Variants in RUFY4 observed in about 807,000 individuals in gnomAD.
The protein encoded by RUFY4 is RUN and FYVE domain containing 4, also known as RUN and FYVE domain-containing protein 4.
A neutral mutation model predicts 69.0 loss-of-function variants in RUFY4; 73 were observed. The ratio of observed to expected loss-of-function variants is 1.06; its 90% confidence interval spans 0.88 to 1.29. RUFY4 has a LOEUF of 1.29. Ranked by LOEUF, RUFY4 falls within the 50% of genes most tolerant of loss-of-function variation. RUFY4 has a pLI of 0.00. For synonymous variants in RUFY4, 287 were observed against 271.8 expected, an observed-to-expected ratio of 1.06 and a Z score of -0.55; for missense variants, 770 against 705.6, an observed-to-expected ratio of 1.09 and a Z score of -1.03.
At chr2:218,049,602 G>A (rs1203296394) in intron 2 of RUFY4, among the ~76,000 whole-genome samples, 1 of 151,882 alleles carries the variant, frequency 6.6e-6, no homozygotes. Flanking sequence ...TGCCTCCCAG[G>A]TTCAGGCAAT....
chr2:218,049,663 C>T (rs1688903358), intron 2 of RUFY4, among the ~76,000 whole-genome samples: 1 of 152,052 alleles, frequency 6.6e-6, no homozygotes, highest in African/African-American at 2.4e-5. Context: ...TGCGCCACCA[C>T]AGCTGGCTAA....
intron 2 of RUFY4, among the ~76,000 whole-genome samples, chr2:218,043,252 G>A (rs1045201175): frequency 6.6e-6 from 1 of 152,034 alleles, no homozygotes; most frequent in Non-Finnish European, 1.5e-5. Context: ...AGAGAGGGTA[G>A]GTCTTCTCTG....
At chr2:218,070,456 G>T, upstream of RUFY4, 1 of 702,074 alleles carries the variant, frequency 1.4e-6, no homozygotes. Flanking sequence ...CCCCTACTAG[G>T]TAACTTGCTA....
At chr2:218,076,808 C>T (rs1689644818) in intron 8 of RUFY4, among the ~76,000 whole-genome samples, 1 of 152,238 alleles carries the variant, frequency 6.6e-6, no homozygotes, top group Non-Finnish European at 1.5e-5. Context: ...ACCCTCACCC[C>T]TGCCTCCCTC....
exon 1 of RUFY4, chr2:218,070,581 G>A (rs1378276729): frequency 2.1e-5 from 33 of 1,536,080 alleles, no homozygotes; most frequent in Non-Finnish European, 2.9e-5. Context: ...CAAGTTGCAA[G>A]GAATCACATC....
At chr2:218,051,448 G>C (rs1688941034) in intron 2 of RUFY4, among the ~76,000 whole-genome samples, 1 of 151,256 alleles carries the variant, frequency 6.6e-6, no homozygotes, top group African/African-American at 2.4e-5. Flanking sequence ...ATTTAATTCT[G>C]TATACAAAAT....
exon 10 of RUFY4, chr2:218,089,287 T>C: frequency 6.2e-7 from 1 of 1,613,868 alleles, no homozygotes; most frequent in Non-Finnish European, 8.5e-7. Context: ...CTCCAGCATC[T>C]CTCTTCCATG....
chr2:218,036,111 G>A (rs1016042354), intron 2 of RUFY4, among the ~76,000 whole-genome samples: 3 of 152,208 alleles, frequency 2.0e-5, no homozygotes, highest in African/African-American at 7.2e-5. Context: ...CTGTGCCCCA[G>A]GTTCCCCTCT....
At chr2:218,078,485 G>T (rs1689686495) in intron 8 of RUFY4, among the ~76,000 whole-genome samples, 1 of 152,206 alleles carries the variant, frequency 6.6e-6, no homozygotes, top group African/African-American at 2.4e-5. Flanking sequence ...AGAGGATGTG[G>T]GAAAAGGTCA....
chr2:218,089,452 C>T, intron 10 of RUFY4, 90 bp downstream of exon 12: 1 of 1,099,040 alleles, frequency 9.1e-7, no homozygotes, highest in Non-Finnish European at 1.3e-6. Context: ...GGGAGGGACA[C>T]AGGAACTGGG....
At chr2:218,078,460 T>C (rs1689685700) in intron 8 of RUFY4, among the ~76,000 whole-genome samples, 1 of 151,634 alleles carries the variant, frequency 6.6e-6, no homozygotes, top group Admixed American at 6.6e-5. Context: ...CGGGCCCCAG[T>C]AGAGTGAGGG....
upstream of RUFY4, among the ~76,000 whole-genome samples, chr2:218,067,697 C>G (rs906963878): frequency 2.0e-5 from 3 of 152,134 alleles, no homozygotes; most frequent in African/African-American, 7.2e-5. Context: ...GACACTCATC[C>G]CCATCCCTGT....
chr2:218,053,834 T>A (rs1689002429), intron 2 of RUFY4, among the ~76,000 whole-genome samples: 1 of 152,222 alleles, frequency 6.6e-6, no homozygotes, highest in Non-Finnish European at 1.5e-5. Context: ...TTGTGCAGAC[T>A]GGGTTTTGCC....
At position 218,075,297 on chromosome 2, in the gene RUFY4, G is replaced by T. The variant is rs1188999194; in HGVS notation, c.805G>T (p.Glu269Ter). ...GTACCCCCAGAGCATGTGGGAGCCA[G>T]AAGGGAAGGAGCTTCAGCTAGACCA... The change falls in exon 7 of 11, where the codon GAA becomes TAA. Residue 269 changes from glutamate to a stop codon, truncating the protein, a stop_gained. Transcript: ENST00000344321. LOFTEE classifies it high-confidence loss of function. 2 of 1,604,754 alleles carry T rather than the reference G, an allele frequency of 1.2e-6. No individual in the cohort carries two copies. The highest frequency in any genetic ancestry group is 1.7e-6 in the Non-Finnish European group (2 of 1,175,618).
intron 9 of RUFY4, among the ~76,000 whole-genome samples, 192 bp downstream of exon 11, chr2:218,083,448 G>A (rs749646899): frequency 6.6e-6 from 1 of 152,068 alleles, no homozygotes; most frequent in Admixed American, 6.5e-5. Flanking sequence ...GAAACTGAGG[G>A]TCAGAAATAA....
chr2:218,069,817 T>C (rs993025176), upstream of RUFY4, among the ~76,000 whole-genome samples: 2 of 152,004 alleles, frequency 1.3e-5, no homozygotes, highest in African/African-American at 4.8e-5. Flanking sequence ...GACTCTAGGA[T>C]CTCAGAATAA....
Position 218,073,459 on chromosome 2 carries a change from C to T in RUFY4, c.530+73C>T, listed in dbSNP as rs1310668601. The T allele has an allele frequency of 3.9e-6, 6 of 1,540,516 alleles. No homozygotes were observed. The East Asian group carries it at 7.3e-5, about 19-fold the overall frequency. On this transcript the variant is annotated intron_variant, in intron 5 of 10. Coordinates refer to ENST00000344321, the Ensembl canonical transcript of RUFY4. ...ATGGCCACCAAGGGTCCCAGGCAAG[C>T]CCCAAGCCCTCAGCCTCCAGCCCCA... is the stretch of plus-strand genomic sequence containing the variant.
intron 3 of RUFY4, chr2:218,059,859 T>C (rs1165190404): frequency 6.0e-6 from 1 of 167,344 alleles, no homozygotes. Flanking sequence ...TGCAGGATCA[T>C]GTGGTAATTC....
chr2:218,048,339 T>C (rs1210239981), intron 2 of RUFY4, among the ~76,000 whole-genome samples: 1 of 152,210 alleles, frequency 6.6e-6, no homozygotes, highest in Non-Finnish European at 1.5e-5. Flanking sequence ...ATATTAGACC[T>C]TCGTCAGATG....
Sources: gnomAD v4.1 joint callset for allele counts (sites outside exome capture counted in the v4.1 genomes callset) on GRCh38, gnomAD v4.1.1 for gene constraint, MANE v1.5 for transcripts, NCBI Gene and HGNC (gene_info 2026-07-23, HGNC 2026-07-21) for gene names.